The following ARB2A variants were observed in gnomAD, a reference collection of about 807,000 sequenced individuals.
ARB2A encodes ARB2 cotranscriptional regulator A.
chr5:94,030,082 A>T, the ARB2A span, among the ~76,000 whole-genome samples: 5 of 152,150 alleles, frequency 3.3e-5, no homozygotes, highest in Non-Finnish European at 5.9e-5. Flanking sequence ...TGCCCTCATG[A>T]TTCATTTACC....
the ARB2A span, among the ~76,000 whole-genome samples, chr5:94,033,921 G>T: frequency 6.6e-6 from 1 of 152,314 alleles, no homozygotes; most frequent in African/African-American, 2.4e-5. Flanking sequence ...TCAAGACTGG[G>T]TTATTTCTCA....
the ARB2A span, among the ~76,000 whole-genome samples, chr5:93,668,394 C>T: frequency 6.6e-6 from 1 of 152,240 alleles, no homozygotes; most frequent in African/African-American, 2.4e-5. Context: ...GCGTGAGCCA[C>T]CATGCCTGGC....
the ARB2A span, among the ~76,000 whole-genome samples, chr5:93,898,718 G>T: frequency 6.6e-6 from 1 of 151,980 alleles, no homozygotes; most frequent in African/African-American, 2.4e-5. Flanking sequence ...TGATATGATT[G>T]GCTTAAGGCA....
chr5:93,627,254 A>C, the ARB2A span, among the ~76,000 whole-genome samples: 1 of 152,092 alleles, frequency 6.6e-6, no homozygotes, highest in African/African-American at 2.4e-5. Flanking sequence ...TTCATCCATG[A>C]GTGCTGGAAT....
chr5:93,765,053 T>C, the ARB2A span, among the ~76,000 whole-genome samples: 1 of 152,176 alleles, frequency 6.6e-6, no homozygotes, highest in Non-Finnish European at 1.5e-5. Context: ...CTTAAAATAA[T>C]AAGAGCTATA....
chr5:93,766,354 C>G, the ARB2A span, among the ~76,000 whole-genome samples: 4 of 152,110 alleles, frequency 2.6e-5, no homozygotes, highest in Admixed American at 2.0e-4. Context: ...AAAAAACAAA[C>G]AACCCCATCA....
At chr5:93,828,575 C>A in the ARB2A span, among the ~76,000 whole-genome samples, 2 of 152,112 alleles carry the variant, frequency 1.3e-5, no homozygotes. Flanking sequence ...AGTGGATGAC[C>A]ACAACAATCT....
chr5:93,974,372 TA>T, the ARB2A span, among the ~76,000 whole-genome samples: 1 of 152,034 alleles, frequency 6.6e-6, no homozygotes. Flanking sequence ...GGACAAAAAG[TA>T]ATATTACATA....
chr5:93,716,511 G>C, the ARB2A span, among the ~76,000 whole-genome samples: 1 of 151,820 alleles, frequency 6.6e-6, no homozygotes, highest in Non-Finnish European at 1.5e-5. Flanking sequence ...GATTTATTCT[G>C]AGCAATAAAA....
chr5:93,968,454 G>A, the ARB2A span, among the ~76,000 whole-genome samples: 1 of 152,072 alleles, frequency 6.6e-6, no homozygotes, highest in Admixed American at 6.6e-5. Context: ...TTAGTAGACT[G>A]GACATGGCCA....
At chr5:93,866,067 G>T in the ARB2A span, 5 of 981,674 alleles carry the variant, frequency 5.1e-6, no homozygotes, top group African/African-American at 8.7e-5. Flanking sequence ...TTCTTAAGAT[G>T]CATCCCAAAT....
the ARB2A span, among the ~76,000 whole-genome samples, chr5:94,049,977 T>G: frequency 6.6e-6 from 1 of 152,130 alleles, no homozygotes; most frequent in African/African-American, 2.4e-5. Context: ...TCTAACTCTG[T>G]CAGCAAGGCT....
the ARB2A span, among the ~76,000 whole-genome samples, chr5:93,755,348 A>T: frequency 6.6e-6 from 1 of 152,244 alleles, no homozygotes; most frequent in African/African-American, 2.4e-5. Flanking sequence ...CACTATAAAT[A>T]GAGTGAGAAT....
At chr5:93,815,215 A>G in the ARB2A span, among the ~76,000 whole-genome samples, 6 of 152,184 alleles carry the variant, frequency 3.9e-5, no homozygotes, top group Admixed American at 2.6e-4. Context: ...AATTCATTCA[A>G]TAGAAGTGTT....
chr5:93,792,800 T>C, the ARB2A span, among the ~76,000 whole-genome samples: 5 of 151,726 alleles, frequency 3.3e-5, no homozygotes, highest in African/African-American at 7.3e-5. Flanking sequence ...TGTATACATA[T>C]GTAACTAACC....
the ARB2A span, among the ~76,000 whole-genome samples, chr5:94,019,481 A>C: frequency 6.6e-6 from 1 of 152,260 alleles, no homozygotes; most frequent in Non-Finnish European, 1.5e-5. Context: ...GGCAAAGGAT[A>C]TGAACAGACA....
At chr5:93,809,366 C>A in the ARB2A span, among the ~76,000 whole-genome samples, 1 of 151,920 alleles carries the variant, frequency 6.6e-6, no homozygotes, top group East Asian at 1.9e-4. Flanking sequence ...TGCACATGTA[C>A]CCCTGAACCT....
the ARB2A span, among the ~76,000 whole-genome samples, chr5:93,708,120 G>A: frequency 6.6e-6 from 1 of 151,714 alleles, no homozygotes; most frequent in African/African-American, 2.4e-5. Flanking sequence ...TGAATCATTT[G>A]AGAGCTACAA....
chr5:93,997,462 C>A, the ARB2A span, among the ~76,000 whole-genome samples: 1 of 151,946 alleles, frequency 6.6e-6, no homozygotes, highest in African/African-American at 2.4e-5. Flanking sequence ...ATTTCAGGAT[C>A]CTAAGCAAAG....
Sources: allele counts gnomAD v4.1 joint callset (sites outside exome capture counted in the v4.1 genomes callset), GRCh38; gene constraint gnomAD v4.1.1; transcripts MANE v1.5; gene names NCBI Gene and HGNC (gene_info 2026-07-23, HGNC 2026-07-21).